Variants in LGR6 observed in about 807,000 individuals in gnomAD.
LGR6 encodes the protein leucine rich repeat containing G protein-coupled receptor 6, also known as leucine-rich repeat-containing G protein-coupled receptor 6.
LGR6 carries 45 observed loss-of-function variants against 69.4 expected under a neutral mutation model. The ratio of observed to expected loss-of-function variants is 0.65; its 90% CI spans 0.51 to 0.83. The LOEUF (loss-of-function observed/expected upper bound fraction) is 0.83, where lower values mean the gene tolerates loss of function less well. Ranked by LOEUF, LGR6 falls within the 40% of genes least tolerant of loss-of-function variation. The pLI, the probability that LGR6 is intolerant of heterozygous loss-of-function variation, is 0.00. For synonymous variants in LGR6, 538 were observed against 555.0 expected (o/e 0.97, Z 0.43); for missense variants, 1,108 against 1,246.7 (o/e 0.89, Z 1.68).
chr1:202,303,173 G>GC, intron 9 of LGR6, 106 bp from the exon 10 acceptor site: 1 of 835,654 alleles, frequency 1.2e-6, no homozygotes, highest in East Asian at 2.5e-5. Context: ...GCATGACATT[G>GC]CCCCCAAAGG....
intron 2 of LGR6, among the ~76,000 whole-genome samples, chr1:202,226,976 C>T (rs549908235): frequency 3.0e-3 from 462 of 152,294 alleles, no homozygotes; most frequent in Non-Finnish European, 5.4e-3. Context: ...GACCTGAGAA[C>T]TTCAGGCTGA....
intron 4 of LGR6, chr1:202,236,200 T>C: frequency 1.7e-6 from 1 of 574,114 alleles, no homozygotes; most frequent in Admixed American, 3.1e-5. Flanking sequence ...TATGCATATT[T>C]CAGGAAAAGA....
chr1:202,258,245 A>C (rs779063504), intron 4 of LGR6, among the ~76,000 whole-genome samples: 50 of 151,958 alleles, frequency 3.3e-4, no homozygotes, highest in Non-Finnish European at 4.4e-4. Flanking sequence ...GTTTAATAGG[A>C]GCAGTCCCTG....
chr1:202,269,422 A>G (rs1331240451), intron 4 of LGR6, among the ~76,000 whole-genome samples: 1 of 152,194 alleles, frequency 6.6e-6, no homozygotes, highest in Non-Finnish European at 1.5e-5. Context: ...AGCATCTGAA[A>G]CAGAACCTTT....
In LGR6 at chr1:202,318,016, C is replaced by T. The variant is rs757110110; in HGVS notation, c.1713C>T (p.Ile571=). 12 of 1,614,196 alleles carry T rather than the reference C, an allele frequency of 7.4e-6. No individual in the cohort carries two copies. The highest frequency in any genetic ancestry group is 1.6e-4 in the Middle Eastern group (1 of 6,062). ...SWGIRLAVWA[I]VLLSVLCNGL... ...GCATCCGCCTGGCCGTGTGGGCCAT[C>T]GTGTTGCTCTCCGTGCTCTGCAATG... Residue 571 remains isoleucine, a synonymous_variant, in exon 18 of 18, where the codon ATC becomes ATT. Transcript: ENST00000367278.
intron 1 of LGR6, among the ~76,000 whole-genome samples, chr1:202,204,640 C>T (rs1341661737): frequency 2.3e-5 from 1 of 43,338 alleles, no homozygotes; most frequent in South Asian, 1.0e-3. Flanking sequence ...CACACACCTC[C>T]AAACACACAC....
rs556208586 is a variant in LGR6, at chr1:202,214,990, G to GGGGT, written c.213-10432_213-10431insGGTG. ...GGTAAATGGTGTTTGGGTGCACCTG[G>GGGGT]GTGTGTGTGTGTGTGTGTGTGTGTG... On this transcript the variant is annotated intron_variant, in intron 1 of 17. Transcript: ENST00000367278. Among the ~76,000 whole-genome samples, 265 of 145,614 alleles carry GGGGT rather than the reference G, an allele frequency of 1.8e-3. 1 individual carries two copies. Among genetic ancestry groups the GGGGT allele is most frequent in the African/African-American group, 6.6e-3 (252 of 38,404 alleles).
chr1:202,274,061 C>T (rs548727696), intron 4 of LGR6, among the ~76,000 whole-genome samples: 83 of 152,212 alleles, frequency 5.5e-4, no homozygotes, highest in Non-Finnish European at 1.1e-3. Context: ...TGGGCATCTG[C>T]AGACGGGGGA....
intron 6 of LGR6, among the ~76,000 whole-genome samples, chr1:202,293,093 A>G (rs1294809184): frequency 8.4e-6 from 1 of 118,706 alleles, no homozygotes; most frequent in East Asian, 3.4e-4. Context: ...CAGTCAAAAC[A>G]CTTAGTGGCT....
At chr1:202,223,918 G>C (rs1263164889) in intron 1 of LGR6, among the ~76,000 whole-genome samples, 5 of 149,650 alleles carry the variant, frequency 3.3e-5, no homozygotes, top group Non-Finnish European at 6.0e-5. Context: ...CCGAGGGAAA[G>C]GCAAGAGGAG....
At chr1:202,233,034 C>T (rs1661220469) in intron 3 of LGR6, among the ~76,000 whole-genome samples, 1 of 152,126 alleles carries the variant, frequency 6.6e-6, no homozygotes, top group Admixed American at 6.6e-5. Flanking sequence ...TGCTGACCTC[C>T]AGCTTGATGG....
intron 4 of LGR6, among the ~76,000 whole-genome samples, chr1:202,239,821 G>A (rs529625007): frequency 4.6e-5 from 7 of 152,208 alleles, no homozygotes; most frequent in Admixed American, 2.6e-4. Context: ...TACCCTCTGC[G>A]TTTCCATTTC....
At position 202,310,236 on chromosome 1, in the gene LGR6, T is replaced by C; in HGVS notation, c.1446T>C (p.Tyr482=). The C allele has an allele frequency of 1.9e-6, 3 of 1,614,034 alleles. No individual in the cohort carries two copies. The highest frequency in any genetic ancestry group is 1.1e-5 in the South Asian group (1 of 91,064). The part of the protein sequence containing the change: ...EVPYAYQCCP[Y]GMCASFFKAS... ...CTTATGCCTACCAGTGCTGTCCCTA[T>C]GGGATGTGTGCCAGCTTCTTCAAGG... Residue 482 remains tyrosine (Y), a synonymous_variant, in exon 16 of 18, where the codon TAT becomes TAC. Transcript: ENST00000367278.
At chr1:202,194,310 C>A in intron 1 of LGR6, 109 bp downstream of exon 1, 1 of 726,324 alleles carries the variant, frequency 1.4e-6, no homozygotes, top group East Asian at 3.1e-5. Flanking sequence ...CATGGGCATC[C>A]CGGAGAGGGT....
At chr1:202,308,451 A>C (rs904663184) in intron 14 of LGR6, among the ~76,000 whole-genome samples, 7 of 152,198 alleles carry the variant, frequency 4.6e-5, no homozygotes, top group South Asian at 2.1e-4. Context: ...CTGTGGTCTT[A>C]GCGTTTGGTT....
intron 1 of LGR6, among the ~76,000 whole-genome samples, chr1:202,199,325 C>G (rs996509871): frequency 6.6e-6 from 1 of 152,140 alleles, no homozygotes; most frequent in African/African-American, 2.4e-5. Flanking sequence ...CTGTGCCAGC[C>G]TTGCTCCAAA....
At chr1:202,244,984 T>C (rs1662528600) in intron 4 of LGR6, among the ~76,000 whole-genome samples, 2 of 152,026 alleles carry the variant, frequency 1.3e-5, no homozygotes, top group African/African-American at 4.8e-5. Context: ...AGGTCTGGGG[T>C]GCTCTCATCT....
chr1:202,236,878 T>C (rs1030331050), intron 4 of LGR6, among the ~76,000 whole-genome samples: 2 of 152,126 alleles, frequency 1.3e-5, no homozygotes, highest in Non-Finnish European at 2.9e-5. Flanking sequence ...CTGTTCAGTC[T>C]GTGGATGTGG....
At chr1:202,299,822 A>G (rs188489141) in intron 7 of LGR6, among the ~76,000 whole-genome samples, 2 of 152,330 alleles carry the variant, frequency 1.3e-5, no homozygotes, top group East Asian at 3.9e-4. Flanking sequence ...ACTTCCAAAG[A>G]AAAAGAGAGG....
Sources: gnomAD v4.1 joint callset for allele counts (sites outside exome capture counted in the v4.1 genomes callset) on GRCh38, gnomAD v4.1.1 for gene constraint, MANE v1.5 for transcripts, NCBI Gene and HGNC (gene_info 2026-07-23, HGNC 2026-07-21) for gene names.